FBXL7: variants seen among roughly 807,000 people sequenced by gnomAD.
FBXL7 encodes F-box and leucine rich repeat protein 7.
FBXL7 carries 12 observed loss-of-function variants against 38.3 expected under a neutral mutation model. The observed-to-expected ratio is 0.31, with a 90% CI of 0.20 to 0.51. The LOEUF is 0.51. FBXL7 is among the 20% of genes least tolerant of loss of function. The pLI is 0.98. For synonymous variants in FBXL7, 297 were observed against 300.9 expected, an observed-to-expected ratio of 0.99 and a Z score of 0.13; for missense variants, 567 against 676.4, an observed-to-expected ratio of 0.84 and a Z score of 1.79.
At chr5:15,612,445 TA>T (rs1419277472) in intron 1 of FBXL7, among the ~76,000 whole-genome samples, 1 of 152,226 alleles carries the variant, frequency 6.6e-6, no homozygotes, top group Non-Finnish European at 1.5e-5. Flanking sequence ...AAGCAATTTT[TA>T]AATTGGAGTT....
chr5:15,500,667 C>G lies in FBXL7; in HGVS notation c.-10C>G, dbSNP rs781675702. 6 of 1,613,082 alleles carry G rather than the reference C, an allele frequency of 3.7e-6. No individual in the cohort carries two copies. Among genetic ancestry groups the G allele is most frequent in the Admixed American group, 1.7e-5 (1 of 59,990 alleles). On this transcript the variant is annotated 5_prime_UTR_variant, in exon 1 of 4. Coordinates refer to ENST00000504595, the MANE Select transcript of FBXL7 (RefSeq NM_012304.5). ...GTGTCCCGGGAGACGGCGGGCATGACGGCTACAGGATGGGCGCGAACAATG... is the reference window on the plus strand; with the variant it reads ...GTGTCCCGGGAGACGGCGGGCATGAGGGCTACAGGATGGGCGCGAACAATG...
chr5:15,514,472 T>C (rs1237672935), intron 1 of FBXL7, among the ~76,000 whole-genome samples: 1 of 152,192 alleles, frequency 6.6e-6, no homozygotes, highest in Non-Finnish European at 1.5e-5. Context: ...AGTAGAATTA[T>C]GGATGTTATA....
chr5:15,699,574 C>G (rs1040887577), intron 2 of FBXL7, among the ~76,000 whole-genome samples: 6 of 152,214 alleles, frequency 3.9e-5, no homozygotes, highest in Admixed American at 3.9e-4. Flanking sequence ...GGGAGGTCAC[C>G]TTCTGAGGTT....
chr5:15,518,738 C>T (rs756269703), intron 1 of FBXL7, among the ~76,000 whole-genome samples: 8 of 152,036 alleles, frequency 5.3e-5, no homozygotes, highest in East Asian at 1.9e-4. Context: ...TTGTTGAGGC[C>T]GGGAGAGTGA....
intron 1 of FBXL7, among the ~76,000 whole-genome samples, chr5:15,510,904 A>G (rs1274301829): frequency 6.6e-6 from 1 of 152,198 alleles, no homozygotes; most frequent in African/African-American, 2.4e-5. Flanking sequence ...CTTTACAGTT[A>G]CCCACACAGA....
intron 2 of FBXL7, among the ~76,000 whole-genome samples, chr5:15,652,917 TGATA>T (rs1315707311): frequency 6.6e-6 from 1 of 152,214 alleles, no homozygotes; most frequent in African/African-American, 2.4e-5. Context: ...ATGCATGAGG[TGATA>T]GATACTCCAT....
At chr5:15,900,070 C>G (rs906576431) in intron 2 of FBXL7, among the ~76,000 whole-genome samples, 27 of 150,414 alleles carry the variant, frequency 1.8e-4, no homozygotes, top group Non-Finnish European at 2.8e-4. Context: ...TTTTTTTTTT[C>G]TTCCAGCATA....
chr5:15,905,770 G>C (rs914185880), intron 2 of FBXL7, among the ~76,000 whole-genome samples: 2 of 152,064 alleles, frequency 1.3e-5, no homozygotes, highest in Admixed American at 6.6e-5. Context: ...ATTGTGATGT[G>C]GCTTGGGGGA....
intron 1 of FBXL7, among the ~76,000 whole-genome samples, chr5:15,533,539 A>C (rs1055789829): frequency 3.9e-5 from 6 of 152,190 alleles, no homozygotes; most frequent in Admixed American, 3.9e-4. Flanking sequence ...TAAAAAAAGA[A>C]CTGATTGAAT....
chr5:15,895,632 ACTTTT>A (rs1325150155), intron 2 of FBXL7, among the ~76,000 whole-genome samples: 7 of 116,760 alleles, frequency 6.0e-5, no homozygotes, highest in Non-Finnish European at 1.1e-4. Flanking sequence ...CCTTTTTCAT[ACTTTT>A]TTTTTTTTTT....
At chr5:15,636,079 A>G (rs958549049) in intron 2 of FBXL7, among the ~76,000 whole-genome samples, 1 of 151,484 alleles carries the variant, frequency 6.6e-6, no homozygotes, top group South Asian at 2.1e-4. Context: ...CGAGTGGGCA[A>G]TGGGCTTGGC....
intron 2 of FBXL7, among the ~76,000 whole-genome samples, 162 bp from the exon 3 acceptor site, chr5:15,927,728 T>G (rs1399230502): frequency 4.0e-5 from 5 of 124,804 alleles, no homozygotes; most frequent in African/African-American, 1.6e-4. Flanking sequence ...TGAGCCAAGA[T>G]CACGCCATTG....
intron 2 of FBXL7, among the ~76,000 whole-genome samples, chr5:15,833,036 T>C (rs1320958018): frequency 4.6e-5 from 7 of 152,192 alleles, no homozygotes; most frequent in Non-Finnish European, 1.0e-4. Flanking sequence ...TGCCCTCATA[T>C]GAGACATGGC....
chr5:15,553,994 A>T (rs1419159539), intron 1 of FBXL7, among the ~76,000 whole-genome samples: 1 of 152,178 alleles, frequency 6.6e-6, no homozygotes, highest in Non-Finnish European at 1.5e-5. Flanking sequence ...GGAGCCACTG[A>T]TCCAAGAGTC....
chr5:15,695,236 A>G (rs1743299095), intron 2 of FBXL7, among the ~76,000 whole-genome samples: 1 of 152,006 alleles, frequency 6.6e-6, no homozygotes. Flanking sequence ...GTGCAGTTCT[A>G]AAGCATGAAT....
At chr5:15,548,760 T>C (rs1311384577) in intron 1 of FBXL7, among the ~76,000 whole-genome samples, 5 of 152,306 alleles carry the variant, frequency 3.3e-5, no homozygotes, top group Non-Finnish European at 5.9e-5. Context: ...ACAATTTTCA[T>C]GTAAGAGGTG....
At chr5:15,599,171 G>C (rs1043974462) in intron 1 of FBXL7, among the ~76,000 whole-genome samples, 1 of 152,162 alleles carries the variant, frequency 6.6e-6, no homozygotes, top group African/African-American at 2.4e-5. Flanking sequence ...AAGAGACAGG[G>C]AGGAAAATAA....
At chr5:15,880,157 G>A (rs1740382014) in intron 2 of FBXL7, among the ~76,000 whole-genome samples, 1 of 152,142 alleles carries the variant, frequency 6.6e-6, no homozygotes, top group South Asian at 2.1e-4. Flanking sequence ...GAAGTAGAGG[G>A]TGCTGCTGGT....
chr5:15,685,071 C>T (rs73752497), intron 2 of FBXL7, among the ~76,000 whole-genome samples: 50 of 151,898 alleles, frequency 3.3e-4, no homozygotes, highest in African/African-American at 1.2e-3. Context: ...CGGATCCCTG[C>T]TTATCTAAAA....
Sources: allele counts gnomAD v4.1 joint callset (sites outside exome capture counted in the v4.1 genomes callset), GRCh38; gene constraint gnomAD v4.1.1; transcripts MANE v1.5; gene names NCBI Gene and HGNC (gene_info 2026-07-23, HGNC 2026-07-21).